The following PIEZO2 variants were observed in gnomAD, a reference collection of about 807,000 sequenced individuals.
The protein encoded by PIEZO2 is piezo type mechanosensitive ion channel component 2.
In PIEZO2, 172 loss-of-function variants were observed where a neutral mutation model predicts 337.3. The observed-to-expected ratio is 0.51, with a 90% confidence interval of 0.45 to 0.58. PIEZO2 has a LOEUF of 0.58. PIEZO2 is among the 20% of genes least tolerant of loss of function. The pLI, the probability that PIEZO2 is intolerant of heterozygous loss-of-function variation, is 0.00. For synonymous variants in PIEZO2, 1,251 were observed against 1,228.5 expected, an observed-to-expected ratio of 1.02 and a Z score of -0.38; for missense variants, 3,028 against 3,391.3, an observed-to-expected ratio of 0.89 and a Z score of 2.66.
intron 36 of PIEZO2, 65 bp from the exon 37 acceptor site, chr18:10,718,324 C>T (rs2036099023): frequency 7.6e-7 from 1 of 1,321,128 alleles, no homozygotes; most frequent in Non-Finnish European, 1.1e-6. Flanking sequence ...GCCAATGTTA[C>T]TCTTCTAGAT....
In PIEZO2 at chr18:11,096,560, T is replaced by C. The variant is rs2039268451; in HGVS notation, c.65-30338A>G. On this transcript the variant is annotated intron_variant, in intron 1 of 55. Transcript: ENST00000674853. The surrounding 1 kb of genome is among the most constrained non-coding windows in gnomAD (Gnocchi z 4.6). ...TCTGTGGCCATTCCCAGTTCTTTTC[T>C]GCAGGGATTTCCAAGAGAAACAGGA... is the stretch of plus-strand genomic sequence containing the variant. 6.6e-6 allele frequency among the ~76,000 whole-genome samples: 1 copy of C among 152,226 alleles called. No individual in the cohort carries two copies.
In PIEZO2 at chr18:11,146,443, C is replaced by A. The variant is rs544798556; in HGVS notation, c.64+2082G>T. On this transcript the variant is annotated intron_variant, in intron 1 of 55. Coordinates refer to ENST00000674853, the MANE Select transcript of PIEZO2 (RefSeq NM_001378183.1). This position sits in a 1 kb window ranked among gnomAD's most constrained non-coding sequence, Gnocchi z 6.1. ...GGCTGAATCCAGACCCCAGTCCCCC[C>A]ACCTCCACCCTGGCTGCGAGTCACC... 2.0e-5 allele frequency among the ~76,000 whole-genome samples: 3 copies of A among 152,176 alleles called. No homozygotes were observed. Among genetic ancestry groups the A allele is most frequent in the African/African-American group, 4.8e-5 (2 of 41,438 alleles).
intron 29 of PIEZO2, among the ~76,000 whole-genome samples, chr18:10,749,503 TAGAG>T (rs1222319503): frequency 1.3e-5 from 2 of 148,292 alleles, no homozygotes; most frequent in East Asian, 2.0e-4. Context: ...AATAAATAAA[TAGAG>T]AGAGCACTGT....
chr18:10,787,187 G>C lies in PIEZO2; in HGVS notation c.2170-3C>G. On this transcript the variant is annotated splice_polypyrimidine_tract_variant and splice_region_variant and intron_variant, in intron 15 of 55. Transcript: ENST00000674853. Reference sequence around the variant, plus strand: ...TTCCTCCACCATTCATAGTGCACCTGCAAATCAGACATTGAAAAAAAAAAA... The same window carrying C: ...TTCCTCCACCATTCATAGTGCACCTCCAAATCAGACATTGAAAAAAAAAAA... 6 of 1,490,356 alleles carry C rather than the reference G, an allele frequency of 4.0e-6. No individual in the cohort carries two copies. The highest frequency in any genetic ancestry group is 5.3e-6 in the Non-Finnish European group (6 of 1,131,116). 92.3% of individuals were successfully genotyped at this position (1,490,356 alleles called of 1,614,324 possible).
At chr18:10,681,872 G>C in intron 50 of PIEZO2, 119 bp from the exon 51 acceptor site, 1 of 926,386 alleles carries the variant, frequency 1.1e-6, no homozygotes. Context: ...TTTATCCCAT[G>C]ATACATGGCA....
At chr18:11,073,907 C>T (rs191113180) in intron 1 of PIEZO2, among the ~76,000 whole-genome samples, 3 of 146,310 alleles carry the variant, frequency 2.1e-5, no homozygotes, top group Non-Finnish European at 3.0e-5. Context: ...AGTGCAGTGG[C>T]GCAATCTCGG....
intron 31 of PIEZO2, among the ~76,000 whole-genome samples, chr18:10,743,334 G>T (rs2037298790): frequency 2.6e-5 from 4 of 152,108 alleles, no homozygotes; most frequent in African/African-American, 9.7e-5. Context: ...GGGGCAAATG[G>T]TGTCTCCATT....
At chr18:11,123,454 A>G (rs956981380) in intron 1 of PIEZO2, among the ~76,000 whole-genome samples, 10 of 152,212 alleles carry the variant, frequency 6.6e-5, no homozygotes, top group African/African-American at 1.7e-4. Flanking sequence ...AGTAGAGATC[A>G]CTCTATATTC....
chr18:10,689,945 A>G, intron 48 of PIEZO2, 143 bp from the exon 49 acceptor site: 1 of 832,564 alleles, frequency 1.2e-6, no homozygotes. Flanking sequence ...AGTAAAACCC[A>G]ACTTGGAACA....
chr18:10,820,340 G>GT (rs1289868076), intron 7 of PIEZO2, among the ~76,000 whole-genome samples: 4,086 of 144,532 alleles, frequency 0.028, 165 homozygotes, highest in African/African-American at 0.093. Flanking sequence ...TGGTTCAGTG[G>GT]TTTTTTTTTT....
chr18:11,019,723 T>A (rs2036245095), intron 2 of PIEZO2, among the ~76,000 whole-genome samples: 1 of 152,152 alleles, frequency 6.6e-6, no homozygotes, highest in African/African-American at 2.4e-5. Context: ...AAGGGAGCAA[T>A]AAAGGCTGAT....
Position 11,035,335 on chromosome 18 carries a change from TTCTCTC to T in PIEZO2, c.160+30786_160+30791del, listed in dbSNP as rs376106831. ...TCTCCCTCTCTCTCTCTCTCTCTCT[TTCTCTC>T]TCTCTCATTCCCTCTCTCACCATGC... On this transcript the variant is annotated intron_variant, in intron 2 of 55. Coordinates refer to ENST00000674853, the MANE Select transcript of PIEZO2 (RefSeq NM_001378183.1). The surrounding 1 kb of genome is among the most constrained non-coding windows in gnomAD (Gnocchi z 4.3). Among the ~76,000 whole-genome samples the T allele has an allele frequency of 1.5e-5, 2 of 130,690 alleles. No individual in the cohort carries two copies. Among genetic ancestry groups the T allele is most frequent in the African/African-American group, 3.1e-5 (1 of 32,370 alleles). 85.7% of individuals were successfully genotyped at this position (130,690 alleles called of 152,430 possible).
rs187468736 is a variant in PIEZO2, at chr18:11,107,178, G to A, written c.65-40956C>T. ...CATTTCTATAGAAATGGTGCACATC[G>A]ATATTATCCCGTAGGGTTGCTGTGA... On this transcript the variant is annotated intron_variant, in intron 1 of 55. Coordinates refer to ENST00000674853, the MANE Select transcript of PIEZO2 (RefSeq NM_001378183.1). 5.3e-5 allele frequency among the ~76,000 whole-genome samples: 8 copies of A among 152,108 alleles called. No homozygotes were observed. The South Asian group carries it at 6.2e-4, about 12-fold the overall frequency.
At chr18:10,687,479 C>T (rs2034598031) in intron 49 of PIEZO2, among the ~76,000 whole-genome samples, 1 of 129,634 alleles carries the variant, frequency 7.7e-6, no homozygotes, top group African/African-American at 2.6e-5. Context: ...GTTCTGGGCA[C>T]ATAAGAATGT....
rs914137937 is a variant in PIEZO2 at position 10,854,079 on chromosome 18, A to T, written c.917+1274T>A. 6.6e-6 allele frequency among the ~76,000 whole-genome samples: 1 copy of T among 151,686 alleles called. No homozygotes were observed. The highest frequency in any genetic ancestry group is 1.9e-4 in the East Asian group (1 of 5,172). ...TCTTTTCCATGCTGATTTTTTTTTT[A>T]AAGACCCATTCATTTGCCTTGCAGA... is the stretch of plus-strand genomic sequence containing the variant. On this transcript the variant is annotated intron_variant, in intron 7 of 55. Transcript: ENST00000674853. This position sits in a 1 kb window ranked among gnomAD's most constrained non-coding sequence, Gnocchi z 4.6.
At chr18:10,845,669 C>T (rs2144634207) in intron 7 of PIEZO2, among the ~76,000 whole-genome samples, 1 of 152,194 alleles carries the variant, frequency 6.6e-6, no homozygotes, top group African/African-American at 2.4e-5. Context: ...ACCAGGACCC[C>T]CACATTAATT....
Position 11,064,300 on chromosome 18 carries a change from C to T in PIEZO2, c.160+1827G>A, listed in dbSNP as rs138281556. ...TGAATATTAGTCATGGTTCTTGGTGCTAAATGGAGAAAGAGGAAAATAAGT... is the reference window on the plus strand; with the variant it reads ...TGAATATTAGTCATGGTTCTTGGTGTTAAATGGAGAAAGAGGAAAATAAGT... On this transcript the variant is annotated intron_variant, in intron 2 of 55. Coordinates refer to ENST00000674853, the MANE Select transcript of PIEZO2 (RefSeq NM_001378183.1). 5.1e-4 allele frequency among the ~76,000 whole-genome samples: 78 copies of T among 152,270 alleles called. 1 individual carries two copies. In the East Asian group the frequency reaches 5.2e-3, roughly 10 times the overall value.
At chr18:10,718,465 G>A (rs969397944) in intron 36 of PIEZO2, among the ~76,000 whole-genome samples, 6 of 152,226 alleles carry the variant, frequency 3.9e-5, no homozygotes, top group Non-Finnish European at 2.9e-5. Context: ...TCAAGGATGT[G>A]TAAACTACAT....
At chr18:11,085,057 A>T (rs1340596868) in intron 1 of PIEZO2, among the ~76,000 whole-genome samples, 1 of 152,262 alleles carries the variant, frequency 6.6e-6, no homozygotes, top group Non-Finnish European at 1.5e-5. Flanking sequence ...ATGAATTAAC[A>T]CATGAATATA....
Sources: gnomAD v4.1 joint callset for allele counts (sites outside exome capture counted in the v4.1 genomes callset) on GRCh38, gnomAD v4.1.1 for gene constraint, Gnocchi (gnomAD v3.1) non-coding constraint, MANE v1.5 for transcripts, NCBI Gene and HGNC (gene_info 2026-07-23, HGNC 2026-07-21) for gene names.